Variants in PTGIS observed in about 807,000 individuals in gnomAD.
The protein encoded by PTGIS is prostaglandin I2 synthase.
PTGIS carries 45 observed loss-of-function variants against 50.3 expected under a neutral mutation model. The ratio of observed to expected loss-of-function variants is 0.90; its 90% confidence interval spans 0.70 to 1.15. PTGIS has a LOEUF of 1.15. Among genes scored for constraint, PTGIS ranks in the 50% most tolerant of loss-of-function variants. The pLI, the probability that PTGIS is intolerant of heterozygous loss-of-function variation, is 0.00. For synonymous variants in PTGIS, 260 were observed against 267.7 expected, an observed-to-expected ratio of 0.97 and a Z score of 0.28; for missense variants, 668 against 661.3, an observed-to-expected ratio of 1.01 and a Z score of -0.11.
intron 6 of PTGIS, among the ~76,000 whole-genome samples, chr20:49,516,365 C>A (rs902374856): frequency 7.2e-5 from 11 of 152,186 alleles, no homozygotes; most frequent in Non-Finnish European, 1.0e-4. Context: ...GCAACCTCCA[C>A]CTCCTGGGCT....
rs753396687 is a variant in PTGIS, at chr20:49,511,016, C to T, written c.1358+12G>A. 9 of 1,611,754 alleles carry T rather than the reference C, an allele frequency of 5.6e-6. No homozygotes were observed. In the Admixed American group the frequency reaches 1.0e-4, roughly 18 times the overall value. ...AGGAGCCACCCTGGCCCTGCCCTGG[C>T]CCCCCACTCACTGTTTGATGCTGTT... On this transcript the variant is annotated intron_variant, in intron 9 of 9. Transcript: ENST00000244043.
At chr20:49,545,329 A>G (rs941876431) in intron 3 of PTGIS, among the ~76,000 whole-genome samples, 1 of 151,974 alleles carries the variant, frequency 6.6e-6, no homozygotes, top group African/African-American at 2.4e-5. Context: ...TGAGGTGGGG[A>G]GGATTGCTTG....
At chr20:49,548,712 T>G (rs910444349) in intron 2 of PTGIS, among the ~76,000 whole-genome samples, 1 of 149,584 alleles carries the variant, frequency 6.7e-6, no homozygotes, top group Admixed American at 6.7e-5. Flanking sequence ...GGTAAATGAA[T>G]GGAAGGAAGG....
At chr20:49,521,725 G>A (rs1039721694) in intron 6 of PTGIS, among the ~76,000 whole-genome samples, 1 of 152,146 alleles carries the variant, frequency 6.6e-6, no homozygotes, top group Non-Finnish European at 1.5e-5. Context: ...GATGGGAGAG[G>A]AATTACCCAG....
rs774956733 is a variant in PTGIS at position 49,547,885 on chromosome 20, C to G, written c.333G>C (p.Gln111His). The G allele has an allele frequency of 6.2e-6, 10 of 1,614,170 alleles. No individual in the cohort carries two copies. The South Asian group carries it at 8.8e-5, about 14-fold the overall frequency. ...CATCACTGGGGCTGTAATGTGGAAGCTGCACATCAAAAATCCTCTCCATGA... is the reference window on the plus strand; with the variant it reads ...CATCACTGGGGCTGTAATGTGGAAGGTGCACATCAAAAATCCTCTCCATGA... ...IFLMERIFDV[Q>H]LPHYSPSDEK... The change falls in exon 3 of 10, where the codon CAG becomes CAC. Residue 111 changes from glutamine to histidine, a missense_variant. Transcript: ENST00000244043.
intron 5 of PTGIS, among the ~76,000 whole-genome samples, chr20:49,538,054 G>A (rs1601193192): frequency 6.6e-6 from 1 of 152,022 alleles, no homozygotes; most frequent in African/African-American, 2.4e-5. Context: ...AGGAGTTGGA[G>A]ACCAGTCTGG....
At chr20:49,510,997 C>T in intron 9 of PTGIS, 31 bp downstream of exon 9, 2 of 1,607,266 alleles carry the variant, frequency 1.2e-6, no homozygotes, top group Non-Finnish European at 1.7e-6. Context: ...GATCAGGAGC[C>T]ACCCTGGCCC....
At chr20:49,508,483 G>A (rs1981220077) in intron 9 of PTGIS, among the ~76,000 whole-genome samples, 1 of 152,184 alleles carries the variant, frequency 6.6e-6, no homozygotes, top group East Asian at 1.9e-4. Flanking sequence ...CGTGTGAGTG[G>A]AACTACACCT....
Position 49,507,949 on chromosome 20 carries a change from C to G in PTGIS, c.1474G>C (p.Val492Leu), listed in dbSNP as rs200895888. 1.2e-6 allele frequency: 2 copies of G among 1,613,192 alleles called. No homozygotes were observed. The highest frequency in any genetic ancestry group is 1.7e-6 in the Non-Finnish European group (2 of 1,180,030). Reference protein sequence around the residue: ...GFGLMQPEHDVPVRYRIRP With the variant: ...GFGLMQPEHDLPVRYRIRP Reference sequence around the variant, plus strand: ...GGGCGGATGCGGTAGCGGACGGGCACGTCGTGTTCCGGCTGCATCAGACCG... The same window carrying G: ...GGGCGGATGCGGTAGCGGACGGGCAGGTCGTGTTCCGGCTGCATCAGACCG... Residue 492 changes from valine (V) to leucine (L), a missense_variant, in exon 10 of 10, where the codon GTG (valine) becomes CTG (leucine). Transcript: ENST00000244043.
intron 1 of PTGIS, among the ~76,000 whole-genome samples, chr20:49,551,376 T>C (rs372065962): frequency 1.3e-5 from 2 of 152,188 alleles, no homozygotes; most frequent in East Asian, 3.8e-4. Context: ...GGAGGCTTCA[T>C]CTGCATGAGA....
chr20:49,516,372 G>C (rs1002334649), intron 6 of PTGIS, among the ~76,000 whole-genome samples: 3 of 152,104 alleles, frequency 2.0e-5, no homozygotes, highest in African/African-American at 7.2e-5. Flanking sequence ...CCACCTCCTG[G>C]GCTCAAGTGA....
intron 1 of PTGIS, among the ~76,000 whole-genome samples, chr20:49,553,922 G>A (rs1982567867): frequency 6.6e-6 from 1 of 152,034 alleles, no homozygotes; most frequent in South Asian, 2.1e-4. Flanking sequence ...TATAAAAAGA[G>A]AATTTATGAA....
intron 1 of PTGIS, among the ~76,000 whole-genome samples, chr20:49,567,791 G>T (rs1386095010): frequency 6.6e-6 from 1 of 152,162 alleles, no homozygotes; most frequent in African/African-American, 2.4e-5. Flanking sequence ...GTCGCGGTGG[G>T]CGATTCGCCC....
At chr20:49,559,822 A>G (rs1982719369) in intron 1 of PTGIS, among the ~76,000 whole-genome samples, 1 of 152,138 alleles carries the variant, frequency 6.6e-6, no homozygotes, top group Non-Finnish European at 1.5e-5. Context: ...GTGACTGCTA[A>G]TGGGTACATG....
chr20:49,508,259 C>T (rs889747991), intron 9 of PTGIS, among the ~76,000 whole-genome samples, 195 bp from the exon 10 acceptor site: 2 of 152,152 alleles, frequency 1.3e-5, no homozygotes, highest in African/African-American at 2.4e-5. Context: ...TAGGCAGGCC[C>T]GTGGATGAGT....
Position 49,547,993 on chromosome 20 carries a change from G to A in PTGIS, c.225C>T (p.Thr75=), listed in dbSNP as rs375137934. The part of the protein sequence containing the change: ...FTILVGGRYV[T]VLLDPHSYDA... ...CGTAGGAGTGTGGGTCCAGGAGAAC[G>A]GTGACATACCTGCCCCCAACCAGTA... The change falls in exon 3 of 10, where the codon ACC becomes ACT. Residue 75 remains threonine, a synonymous_variant. Transcript: ENST00000244043. 1.1e-5 allele frequency: 17 copies of A among 1,613,944 alleles called. No homozygotes were observed. The African/African-American group carries it at 1.1e-4, about 10-fold the overall frequency.
At chr20:49,548,050 AG>A in intron 2 of PTGIS, 31 bp from the exon 3 acceptor site, 6 of 1,603,962 alleles carry the variant, frequency 3.7e-6, no homozygotes, top group Non-Finnish European at 5.1e-6. Flanking sequence ...TAGAGTGAGG[AG>A]TGTCACTGTG....
At chr20:49,537,991 C>T (rs1432148171) in intron 5 of PTGIS, among the ~76,000 whole-genome samples, 5 of 151,788 alleles carry the variant, frequency 3.3e-5, no homozygotes, top group Admixed American at 2.0e-4. Context: ...CAGTGGCTCA[C>T]GTCTGTAATC....
chr20:49,536,847 C>A (rs1033919667), intron 5 of PTGIS, among the ~76,000 whole-genome samples: 1 of 152,070 alleles, frequency 6.6e-6, no homozygotes, highest in Non-Finnish European at 1.5e-5. Context: ...TCCTGCTGTT[C>A]CCCCCATTTT....
Sources: allele counts gnomAD v4.1 joint callset (sites outside exome capture counted in the v4.1 genomes callset), GRCh38; gene constraint gnomAD v4.1.1; transcripts MANE v1.5; gene names NCBI Gene and HGNC (gene_info 2026-07-23, HGNC 2026-07-21).